Variants in XG observed in about 807,000 individuals in gnomAD.
XG encodes the protein glycoprotein Xg.
In XG, 24 loss-of-function variants were observed where a neutral mutation model predicts 25.7. That is an observed-to-expected ratio of 0.93 (90% CI 0.68 to 1.31). XG has a LOEUF of 1.31. Ranked by LOEUF, XG falls within the 40% of genes most tolerant of loss-of-function variation. The pLI is 0.00. For synonymous variants in XG, 77 were observed against 69.2 expected (o/e 1.11, Z -0.56); for missense variants, 181 against 187.6 (o/e 0.96, Z 0.21).
chrX:2,808,535 G>A, intron 9 of XG: 1 of 753,275 alleles, frequency 1.3e-6, no homozygotes, highest in South Asian at 6.8e-5. Flanking sequence ...CCCTTTCTTT[G>A]ACCAGCACTA....
Position 2,782,048 on chromosome X carries a change from A to G in XG, c.128-18A>G, listed in dbSNP as rs41297271. ...GACAATTTTCTTTTCTAACAGTGCA[A>G]TGTTGTTTCCTCCACAGATATCTAC... On this transcript the variant is annotated intron_variant, in intron 3 of 10. Coordinates refer to ENST00000644266, the MANE Select transcript of XG (RefSeq NM_001141919.2). 6.7e-3 allele frequency: 8,036 copies of G among 1,206,516 alleles called. 29 individuals are homozygous for G. The highest frequency in any genetic ancestry group is 7.0e-3 in the Non-Finnish European group (6,291 of 892,354).
chrX:2,772,318 C>G (rs1359112195), intron 2 of XG, among the ~76,000 whole-genome samples: 1 of 152,182 alleles, frequency 6.6e-6, no homozygotes, highest in Non-Finnish European at 1.5e-5. Flanking sequence ...AACAACCCAA[C>G]TGTCCATCAG....
intron 2 of XG, among the ~76,000 whole-genome samples, chrX:2,773,549 GAGAA>G (rs2050888083): frequency 1.8e-5 from 2 of 111,532 alleles, no homozygotes; most frequent in African/African-American, 7.0e-5. Context: ...GAAGGAAGGA[GAGAA>G]GGAAGGAAGG....
chrX:2,752,361 G>C (rs769688239), intron 1 of XG, 26 bp downstream of exon 1: 5 of 1,612,368 alleles, frequency 3.1e-6, no homozygotes, highest in Non-Finnish European at 4.2e-6. Flanking sequence ...CTTTGAGGGA[G>C]ATCTGCCTGG....
intron 7 of XG, among the ~76,000 whole-genome samples, chrX:2,799,434 G>T (rs2086915069): frequency 8.9e-6 from 1 of 111,797 alleles, no homozygotes; most frequent in Non-Finnish European, 1.9e-5. Flanking sequence ...AAGGGGAAAG[G>T]GTGGGGGTAG....
chrX:2,759,903 T>G (rs2050525965), intron 1 of XG, among the ~76,000 whole-genome samples: 1 of 152,206 alleles, frequency 6.6e-6, no homozygotes, highest in Non-Finnish European at 1.5e-5. Flanking sequence ...GTGCTGAGGC[T>G]GGGAAACTCT....
intron 8 of XG, among the ~76,000 whole-genome samples, chrX:2,807,142 CAT>C (rs1465616039): frequency 6.2e-5 from 7 of 112,763 alleles, no homozygotes; most frequent in African/African-American, 1.3e-4. Flanking sequence ...TCTGTGCACA[CAT>C]GTGGATTGAG....
chrX:2,776,082 G>A (rs1170428746), intron 3 of XG, among the ~76,000 whole-genome samples: 1 of 152,190 alleles, frequency 6.6e-6, no homozygotes, highest in Non-Finnish European at 1.5e-5. Flanking sequence ...AAGGTCAGGA[G>A]ATCGAGACCA....
chrX:2,802,047 T>C (rs1344667444), intron 7 of XG, among the ~76,000 whole-genome samples: 1 of 111,886 alleles, frequency 8.9e-6, no homozygotes, highest in Non-Finnish European at 1.9e-5. Context: ...AGAAAATGAT[T>C]TGGGGCTGCT....
intron 2 of XG, among the ~76,000 whole-genome samples, chrX:2,771,447 G>C (rs1226317333): frequency 6.6e-6 from 1 of 152,184 alleles, no homozygotes; most frequent in Admixed American, 6.5e-5. Flanking sequence ...ATCAGTCCAA[G>C]TTCAGCTAGA....
At chrX:2,786,540 T>C (rs1027254448) in intron 4 of XG, among the ~76,000 whole-genome samples, 2 of 110,353 alleles carry the variant, frequency 1.8e-5, no homozygotes, top group Non-Finnish European at 3.8e-5. Flanking sequence ...AATGCTGGGA[T>C]TACAGGTGTG....
At chrX:2,758,447 G>A (rs749886895) in intron 1 of XG, among the ~76,000 whole-genome samples, 17 of 152,338 alleles carry the variant, frequency 1.1e-4, no homozygotes, top group East Asian at 3.9e-4. Flanking sequence ...TGATGACTCC[G>A]TGTGCAACCG....
At chrX:2,787,556 C>T (rs1569039808) in intron 4 of XG, among the ~76,000 whole-genome samples, 1 of 111,460 alleles carries the variant, frequency 9.0e-6, no homozygotes, top group Non-Finnish European at 1.9e-5. Context: ...CCCCACTCCT[C>T]TGTTTGGCCC....
At chrX:2,780,564 CTA>C in intron 3 of XG, among the ~76,000 whole-genome samples, 1 of 152,028 alleles carries the variant, frequency 6.6e-6, no homozygotes, top group Non-Finnish European at 1.5e-5. Context: ...CCTGTTTCTA[CTA>C]AAAATACAAA....
intron 6 of XG, among the ~76,000 whole-genome samples, chrX:2,795,170 G>T (rs7061550): frequency 0.55 from 57,970 of 105,418 alleles, 13,010 homozygotes; most frequent in Admixed American, 0.73. Context: ...CTTTACATAG[G>T]TACATGTTTT....
chrX:2,774,959 T>C, intron 3 of XG: 1 of 605,508 alleles, frequency 1.7e-6, no homozygotes, highest in Middle Eastern at 3.1e-4. Flanking sequence ...GGCTAAAATC[T>C]AAAATGGAAA....
chrX:2,795,839 G>T (rs902525647), intron 6 of XG, among the ~76,000 whole-genome samples: 15 of 109,749 alleles, frequency 1.4e-4, no homozygotes, highest in South Asian at 1.1e-3. Flanking sequence ...TGTATTTTTA[G>T]TAGAGACGGG....
At chrX:2,767,463 G>C (rs1321926694) in intron 1 of XG, among the ~76,000 whole-genome samples, 1 of 152,102 alleles carries the variant, frequency 6.6e-6, no homozygotes, top group African/African-American at 2.4e-5. Context: ...AGACCACAAG[G>C]ATTTGATTAA....
Position 2,806,120 on chromosome X carries a change from T to C in XG, c.374-581T>C, listed in dbSNP as rs184859420. Reference sequence around the variant, plus strand: ...ATAGATCATTGCAGCCTCCACCTCCTGGGCTCAAGCAATCTTTTGCCTCAG... The same window carrying C: ...ATAGATCATTGCAGCCTCCACCTCCCGGGCTCAAGCAATCTTTTGCCTCAG... On this transcript the variant is annotated intron_variant, in intron 7 of 10. Transcript: ENST00000644266. 1.0e-3 allele frequency among the ~76,000 whole-genome samples: 114 copies of C among 111,761 alleles called. 1 individual carries two copies. Among genetic ancestry groups the C allele is most frequent in the African/African-American group, 3.5e-3 (108 of 30,721 alleles).
Sources: gnomAD v4.1 joint callset for allele counts (sites outside exome capture counted in the v4.1 genomes callset) on GRCh38, gnomAD v4.1.1 for gene constraint, MANE v1.5 for transcripts, NCBI Gene and HGNC (gene_info 2026-07-23, HGNC 2026-07-21) for gene names.